Variants in HFM1 observed in about 807,000 individuals in gnomAD.
HFM1 encodes the protein probable ATP-dependent DNA helicase HFM1.
Under a neutral mutation model 192.1 loss-of-function variants are expected in HFM1, and 169 were observed. The observed-to-expected ratio is 0.88, with a 90% confidence interval of 0.78 to 1.00. The LOEUF (loss-of-function observed/expected upper bound fraction) is 1.00, where lower values mean the gene tolerates loss of function less well. HFM1 is among the 50% of genes least tolerant of loss of function. The pLI is 0.00. For missense variants in HFM1, 1,661 were observed against 1,668.0 expected (o/e 1.00, Z 0.07); for synonymous variants, 525 against 537.8 (o/e 0.98, Z 0.33).
At chr1:91,381,055 A>C in intron 6 of HFM1, 73 bp from the exon 7 acceptor site, 1 of 713,434 alleles carries the variant, frequency 1.4e-6, no homozygotes, top group Non-Finnish European at 2.5e-6. Flanking sequence ...AAACTAAGTT[A>C]CATTAATATA....
chr1:91,307,953 CCAT>C (rs1010746302), intron 30 of HFM1, among the ~76,000 whole-genome samples: 2 of 152,002 alleles, frequency 1.3e-5, no homozygotes, highest in Admixed American at 6.6e-5. Context: ...CTTCTGTTTT[CCAT>C]CATTATTGTT....
At chr1:91,292,892 A>G (rs550956420) in intron 30 of HFM1, among the ~76,000 whole-genome samples, 17 of 152,290 alleles carry the variant, frequency 1.1e-4, no homozygotes, top group Non-Finnish European at 2.2e-4. Context: ...CCTCAGAAAT[A>G]ACGCCACATA....
At chr1:91,397,044 T>C (rs1443939706) in intron 2 of HFM1, among the ~76,000 whole-genome samples, 3 of 152,212 alleles carry the variant, frequency 2.0e-5, no homozygotes, top group Non-Finnish European at 2.9e-5. Flanking sequence ...CTAACTAATG[T>C]CTGATGATCT....
intron 30 of HFM1, among the ~76,000 whole-genome samples, chr1:91,292,474 A>G (rs1422218619): frequency 1.3e-5 from 2 of 150,500 alleles, no homozygotes; most frequent in Non-Finnish European, 3.0e-5. Context: ...AGAATAAAAT[A>G]CCTAGGAATC....
chr1:91,322,911 C>CA (rs765394653), intron 23 of HFM1, 39 bp downstream of exon 23: 4 of 1,007,408 alleles, frequency 4.0e-6, no homozygotes, highest in South Asian at 2.2e-5. Flanking sequence ...GTTTTAAAAC[C>CA]AAAAAAAGAA....
At chr1:91,305,738 T>A (rs1406898349) in intron 30 of HFM1, among the ~76,000 whole-genome samples, 1 of 151,988 alleles carries the variant, frequency 6.6e-6, no homozygotes, top group East Asian at 1.9e-4. Context: ...TGGCTACTTT[T>A]TTCTATTTTT....
chr1:91,385,356 C>T, intron 5 of HFM1, 122 bp from the exon 6 acceptor site: 2 of 772,322 alleles, frequency 2.6e-6, no homozygotes, highest in Non-Finnish European at 4.2e-6. Context: ...ACTAACACAA[C>T]TTTTTATTGA....
At chr1:91,364,720 C>T (rs1331245219) in intron 13 of HFM1, among the ~76,000 whole-genome samples, 3 of 145,220 alleles carry the variant, frequency 2.1e-5, no homozygotes, top group Non-Finnish European at 4.5e-5. Flanking sequence ...GCAAGCTCTG[C>T]CCCCCGGGGT....
chr1:91,325,005 C>G (rs957397583), intron 20 of HFM1, among the ~76,000 whole-genome samples: 2 of 152,128 alleles, frequency 1.3e-5, no homozygotes, highest in African/African-American at 4.8e-5. Flanking sequence ...CAGGTACCAG[C>G]TTGGCCATGG....
chr1:91,276,980 A>G lies in HFM1; in HGVS notation c.3472+2T>C. The G allele has an allele frequency of 1.3e-6, 2 of 1,561,166 alleles. No homozygotes were observed. Among genetic ancestry groups the G allele is most frequent in the Non-Finnish European group, 1.7e-6 (2 of 1,149,420 alleles). On this transcript the variant is annotated splice_donor_variant, in intron 31 of 38. Coordinates refer to ENST00000370425, the MANE Select transcript of HFM1 (RefSeq NM_001017975.6). LOFTEE classifies it high-confidence loss of function. Reference sequence around the variant, plus strand: ...TAAATAAACTTGTTTTAAGGAACTCACAGCAGTCATGTCCACATGTATGTT... The same window carrying G: ...TAAATAAACTTGTTTTAAGGAACTCGCAGCAGTCATGTCCACATGTATGTT...
At chr1:91,383,902 A>T (rs1254132630) in intron 6 of HFM1, among the ~76,000 whole-genome samples, 3 of 132,370 alleles carry the variant, frequency 2.3e-5, no homozygotes, top group Non-Finnish European at 3.2e-5. Context: ...TTTACATATT[A>T]AAAAATATCA....
rs76965903 is a variant in HFM1 at position 91,320,189 on chromosome 1, T to A, written c.2583-799A>T. Among the ~76,000 whole-genome samples, 343 of 152,296 alleles carry A rather than the reference T, an allele frequency of 2.3e-3. 1 individual carries two copies. The highest frequency in any genetic ancestry group is 4.4e-3 in the Non-Finnish European group (298 of 68,006). On this transcript the variant is annotated intron_variant, in intron 23 of 38. Coordinates refer to ENST00000370425, the MANE Select transcript of HFM1 (RefSeq NM_001017975.6). ...CTAAACTCCTCAGTAGAAGGAGGTC[T>A]CTCAATAAGACCGAAACAGTCAGCT...
intron 30 of HFM1, among the ~76,000 whole-genome samples, chr1:91,288,993 T>A (rs1426302348): frequency 7.5e-6 from 1 of 132,912 alleles, no homozygotes; most frequent in Non-Finnish European, 1.6e-5. Context: ...GGGCGGCTGG[T>A]CAGGTGGGGG....
At position 91,319,145 on chromosome 1, in the gene HFM1, TA is replaced by T; in HGVS notation, c.2744del (p.Leu915Ter). ...AAAGTTTACACCTAAAACATTTAGC[TA>T]AAATCAAACTATTCAATAGTACAGC... ...KFAVLLNSLI[L>X]AKCFRCKLWE... On this transcript the variant is annotated frameshift_variant, in exon 25 of 39. Coordinates refer to ENST00000370425, the MANE Select transcript of HFM1 (RefSeq NM_001017975.6). LOFTEE classifies it high-confidence loss of function. 6.2e-7 allele frequency: 1 copy of T among 1,610,810 alleles called. No individual in the cohort carries two copies. The highest frequency in any genetic ancestry group is 8.5e-7 in the Non-Finnish European group (1 of 1,178,912).
intron 1 of HFM1, 91 bp from the exon 2 acceptor site, chr1:91,401,200 TAA>T: frequency 1.6e-6 from 1 of 629,760 alleles, no homozygotes; most frequent in South Asian, 2.0e-5. Flanking sequence ...CAGTCTCCTG[TAA>T]AATATAACCA....
chr1:91,310,432 A>G (rs1473732870), intron 30 of HFM1, among the ~76,000 whole-genome samples: 2 of 152,234 alleles, frequency 1.3e-5, no homozygotes, highest in Non-Finnish European at 2.9e-5. Flanking sequence ...ATAAAAAATA[A>G]TAATTCATTT....
At position 91,348,294 on chromosome 1, in the gene HFM1, A is replaced by G. The variant is rs191137673; in HGVS notation, c.2207-818T>C. ...TGAAAAGATACCAATATTCATACATAATATTGATAAAAATACACAAGCATA... is the reference window on the plus strand; with the variant it reads ...TGAAAAGATACCAATATTCATACATGATATTGATAAAAATACACAAGCATA... On this transcript the variant is annotated intron_variant, in intron 18 of 38. Transcript: ENST00000370425. Among the ~76,000 whole-genome samples, 5 of 152,304 alleles carry G rather than the reference A, an allele frequency of 3.3e-5. No homozygotes were observed. The East Asian group carries it at 9.6e-4, about 29-fold the overall frequency.
intron 30 of HFM1, among the ~76,000 whole-genome samples, chr1:91,293,772 C>G (rs1367848436): frequency 6.7e-6 from 1 of 148,532 alleles, no homozygotes; most frequent in African/African-American, 2.5e-5. Context: ...CGGCATTATT[C>G]ACAATAGCAA....
intron 19 of HFM1, 84 bp from the exon 20 acceptor site, chr1:91,343,594 T>G: frequency 1.7e-6 from 1 of 575,166 alleles, no homozygotes. Flanking sequence ...ATGCTAAAGT[T>G]GTGCTATTAC....
Sources: gnomAD v4.1 joint callset for allele counts (sites outside exome capture counted in the v4.1 genomes callset) on GRCh38, gnomAD v4.1.1 for gene constraint, MANE v1.5 for transcripts, NCBI Gene and HGNC (gene_info 2026-07-23, HGNC 2026-07-21) for gene names.